Variants in KDM4B observed in about 807,000 individuals in gnomAD.
The protein encoded by KDM4B is lysine demethylase 4B.
A neutral mutation model predicts 125.2 loss-of-function variants in KDM4B; 32 were observed. That is an observed-to-expected ratio of 0.26 (90% CI 0.19 to 0.34). KDM4B has a LOEUF of 0.34. Ranked by LOEUF, KDM4B falls within the 10% of genes least tolerant of loss-of-function variation. The probability of loss-of-function intolerance (pLI) is 1.00; values close to 1 mark genes in which losing one functional copy is unlikely to be tolerated. For synonymous variants in KDM4B, 721 were observed against 677.9 expected (o/e 1.06, Z -0.99); for missense variants, 1,190 against 1,577.7 (o/e 0.75, Z 4.16).
chr19:5,012,442 C>T (rs2035758588), intron 1 of KDM4B, among the ~76,000 whole-genome samples: 2 of 152,062 alleles, frequency 1.3e-5, no homozygotes, highest in Admixed American at 6.6e-5. Context: ...TGTCCCAGGG[C>T]CCCCCACACC....
Position 5,134,196 on chromosome 19 carries a change from C to T in KDM4B, c.2085+135C>T, listed in dbSNP as rs778313756. 4.9e-6 allele frequency: 4 copies of T among 813,590 alleles called. No homozygotes were observed. In the South Asian group the frequency reaches 5.4e-5, roughly 11 times the overall value. 50.4% of individuals were successfully genotyped at this position (813,590 alleles called of 1,614,324 possible). On this transcript the variant is annotated intron_variant, in intron 14 of 22. Transcript: ENST00000159111. ...TGGCCAGCACCCCGAGTTGTGAGGG[C>T]TTGTTCCTGACAGCCGTAGGCAGAG...
At chr19:5,117,936 C>T (rs1324775508) in intron 10 of KDM4B, among the ~76,000 whole-genome samples, 1 of 152,158 alleles carries the variant, frequency 6.6e-6, no homozygotes, top group African/African-American at 2.4e-5. Flanking sequence ...GCAAGGAGGG[C>T]CGGCAGTGAC....
intron 9 of KDM4B, among the ~76,000 whole-genome samples, chr19:5,107,917 C>T (rs2039066359): frequency 2.6e-5 from 4 of 152,262 alleles, no homozygotes; most frequent in Admixed American, 2.6e-4. Flanking sequence ...GTCCTGGCTC[C>T]CCAGCTCCCT....
intron 9 of KDM4B, among the ~76,000 whole-genome samples, chr19:5,084,856 T>TCCCCCCCCCCCCC (rs2038438231): frequency 2.5e-5 from 2 of 81,202 alleles, no homozygotes; most frequent in Non-Finnish European, 2.6e-5. Flanking sequence ...TTACCCACCC[T>TCCCCCCCCCCCCC]CCCCCGCCCG....
intron 1 of KDM4B, among the ~76,000 whole-genome samples, chr19:4,987,204 T>C (rs1297767321): frequency 2.6e-5 from 4 of 152,006 alleles, no homozygotes; most frequent in East Asian, 3.9e-4. Flanking sequence ...GGTGATCTGC[T>C]CTCCTCGGCC....
chr19:5,126,347 C>G (rs2039449498), intron 11 of KDM4B, among the ~76,000 whole-genome samples: 1 of 152,140 alleles, frequency 6.6e-6, no homozygotes, highest in African/African-American at 2.4e-5. Flanking sequence ...CCAGCCAGCC[C>G]TAACCCCAGA....
chr19:4,979,241 C>G (rs2034556836), intron 1 of KDM4B, among the ~76,000 whole-genome samples: 2 of 152,172 alleles, frequency 1.3e-5, no homozygotes, highest in Admixed American at 1.3e-4. Context: ...CATGATTACA[C>G]CACTGCACTC....
Position 5,035,739 on chromosome 19 carries a change from C to G in KDM4B, c.141+2708C>G, listed in dbSNP as rs1436602371. 6.6e-6 allele frequency among the ~76,000 whole-genome samples: 1 copy of G among 152,134 alleles called. No individual in the cohort carries two copies. Among genetic ancestry groups the G allele is most frequent in the Non-Finnish European group, 1.5e-5 (1 of 68,022 alleles). On this transcript the variant is annotated intron_variant, in intron 3 of 22. Coordinates refer to ENST00000159111, the MANE Select transcript of KDM4B (RefSeq NM_015015.3). This position sits in a 1 kb window ranked among gnomAD's most constrained non-coding sequence, Gnocchi z 5.3. ...GTTCCTTCCCATGCCTCTGCAGCGGCAGCTCCCATGCTGCTTCTCCTTGCA... is the reference window on the plus strand; with the variant it reads ...GTTCCTTCCCATGCCTCTGCAGCGGGAGCTCCCATGCTGCTTCTCCTTGCA...
intron 1 of KDM4B, among the ~76,000 whole-genome samples, chr19:4,990,918 C>G (rs530104745): frequency 6.6e-6 from 1 of 152,004 alleles, no homozygotes; most frequent in Admixed American, 6.6e-5. Context: ...ATCAGGAGTT[C>G]GAGACCAGCC....
At chr19:5,026,532 A>G (rs2036284073) in intron 2 of KDM4B, among the ~76,000 whole-genome samples, 1 of 152,084 alleles carries the variant, frequency 6.6e-6, no homozygotes, top group Non-Finnish European at 1.5e-5. Context: ...GTTGTTAATT[A>G]GTAGTCTTCC....
At chr19:4,973,582 G>C (rs568245817) in intron 1 of KDM4B, among the ~76,000 whole-genome samples, 1 of 152,182 alleles carries the variant, frequency 6.6e-6, no homozygotes, top group Non-Finnish European at 1.5e-5. Flanking sequence ...ACTGAGGGGG[G>C]AGTGGATTGA....
chr19:5,063,415 T>C (rs1402350184), intron 6 of KDM4B, among the ~76,000 whole-genome samples: 1 of 152,194 alleles, frequency 6.6e-6, no homozygotes, highest in African/African-American at 2.4e-5. Flanking sequence ...ACGTCAGATA[T>C]TCCCTACTGC....
rs57714416 is a variant in KDM4B at position 5,006,215 on chromosome 19, C to G, written c.-108-10042C>G. 4.0e-3 allele frequency among the ~76,000 whole-genome samples: 614 copies of G among 152,148 alleles called. 8 individuals carry two copies. The highest frequency in any genetic ancestry group is 0.014 in the African/African-American group (584 of 41,514). On this transcript the variant is annotated intron_variant, in intron 1 of 22. Transcript: ENST00000159111. ...CAGCCTCTCCCTGTCCCCGTCTGTC[C>G]CGCCACTACTGGAACCCCACCCTGC...
intron 10 of KDM4B, among the ~76,000 whole-genome samples, chr19:5,116,658 G>T (rs1331935260): frequency 6.6e-6 from 1 of 152,198 alleles, no homozygotes; most frequent in Non-Finnish European, 1.5e-5. Context: ...GAGTTTAAGA[G>T]CAATGGCAGG....
intron 1 of KDM4B, among the ~76,000 whole-genome samples, chr19:5,013,960 CAG>C (rs1292652303): frequency 2.0e-5 from 3 of 152,236 alleles, no homozygotes; most frequent in African/African-American, 7.2e-5. Context: ...TCATCTGGCA[CAG>C]GGGAAGAGGC....
intron 22 of KDM4B, 89 bp downstream of exon 22, chr19:5,150,539 C>T (rs984689357): frequency 3.5e-5 from 32 of 907,168 alleles, no homozygotes; most frequent in East Asian, 1.4e-4. Flanking sequence ...CTTCCAATGG[C>T]GTGGACCACC....
chr19:5,124,556 T>C (rs1468050180), intron 11 of KDM4B, among the ~76,000 whole-genome samples: 2 of 152,200 alleles, frequency 1.3e-5, no homozygotes, highest in African/African-American at 2.4e-5. Flanking sequence ...CTCCTGTGAC[T>C]TGTTTTACCC....
chr19:4,985,061 G>A (rs933674040), intron 1 of KDM4B, among the ~76,000 whole-genome samples: 3 of 152,122 alleles, frequency 2.0e-5, no homozygotes, highest in South Asian at 2.1e-4. Flanking sequence ...GGTGGCTCCC[G>A]CCTGTAATCC....
chr19:5,070,812 GC>G (rs1357446263), intron 6 of KDM4B, 197 bp from the exon 7 acceptor site: 4 of 514,318 alleles, frequency 7.8e-6, no homozygotes, highest in Non-Finnish European at 1.4e-5. Context: ...TCCTCCACCT[GC>G]CCCACCTCGC....
Sources: gnomAD v4.1 joint callset for allele counts (sites outside exome capture counted in the v4.1 genomes callset) on GRCh38, gnomAD v4.1.1 for gene constraint, Gnocchi (gnomAD v3.1) non-coding constraint, MANE v1.5 for transcripts, NCBI Gene and HGNC (gene_info 2026-07-23, HGNC 2026-07-21) for gene names.